DYDC2: variants seen among roughly 807,000 people sequenced by gnomAD.
The protein encoded by DYDC2 is DPY30 domain containing 2.
A neutral mutation model predicts 18.7 loss-of-function variants in DYDC2; 19 were observed. The ratio of observed to expected loss-of-function variants is 1.02; its 90% CI spans 0.71 to 1.49. The LOEUF is 1.49. DYDC2 is among the 40% of genes most tolerant of loss of function. The pLI is 0.00. For missense variants in DYDC2, 179 were observed against 205.1 expected (o/e 0.87, Z 0.78); for synonymous variants, 63 against 67.6 (o/e 0.93, Z 0.34).
chr10:80,352,029 AC>A (rs1475903719), upstream of DYDC2: 1 of 1,605,586 alleles, frequency 6.2e-7, no homozygotes, highest in East Asian at 2.2e-5. Context: ...ACAACAGCAC[AC>A]GACTTCTTAG....
At chr10:80,356,857 G>T in intron 1 of DYDC2, 32 bp downstream of exon 1, 1 of 985,262 alleles carries the variant, frequency 1.0e-6, no homozygotes, top group African/African-American at 1.8e-5. Flanking sequence ...GGCAGCGAAG[G>T]GGGAACGCGC....
chr10:80,345,406 A>C lies in DYDC2; in HGVS notation c.-310+591A>C, dbSNP rs544858820. Among the ~76,000 whole-genome samples the C allele has an allele frequency of 3.9e-5, 6 of 152,292 alleles. No individual in the cohort carries two copies. In the East Asian group the frequency reaches 1.2e-3, roughly 29 times the overall value. On this transcript the variant is annotated intron_variant, in intron 1 of 4. Coordinates refer to the DYDC2 transcript ENST00000372197. Reference sequence around the variant, plus strand: ...AAGCAATTTCAATATCCATCATCTTAGACAGTTACTTTTGTATGGTAAGAG... The same window carrying C: ...AAGCAATTTCAATATCCATCATCTTCGACAGTTACTTTTGTATGGTAAGAG...
chr10:80,362,671 G>A, intron 3 of DYDC2, 81 bp downstream of exon 3: 2 of 1,515,432 alleles, frequency 1.3e-6, no homozygotes, highest in Non-Finnish European at 1.8e-6. Context: ...CAGGATTCTG[G>A]AGCTGGCCTG....
rs377743136 is a variant in DYDC2 at position 80,366,714 on chromosome 10, G to A, written c.297G>A (p.Thr99=). Residue 99 remains threonine, a synonymous_variant, in exon 5 of 5, where the codon ACG becomes ACA. Coordinates refer to ENST00000256039, the MANE Select transcript of DYDC2 (RefSeq NM_032372.6). The part of the protein sequence containing the change: ...HKELTSETVS[T]KKTIFMQEDT... Reference sequence around the variant, plus strand: ...AACTGACTTCTGAAACTGTTTCCACGAAGAAGACCATATTCATGCAGGAGG... The same window carrying A: ...AACTGACTTCTGAAACTGTTTCCACAAAGAAGACCATATTCATGCAGGAGG... 7.2e-5 allele frequency: 115 copies of A among 1,605,080 alleles called. No individual in the cohort carries two copies. The Middle Eastern group carries it at 8.3e-4, about 12-fold the overall frequency.
chr10:80,359,260 G>C (rs909493657), intron 2 of DYDC2, among the ~76,000 whole-genome samples: 1 of 152,218 alleles, frequency 6.6e-6, no homozygotes, highest in Non-Finnish European at 1.5e-5. Flanking sequence ...AGATTAGCTA[G>C]ACACAGAGCA....
intron 1 of DYDC2, 48 bp from the exon 2 acceptor site, chr10:80,357,845 G>A (rs908769518): frequency 3.0e-6 from 3 of 985,392 alleles, no homozygotes; most frequent in African/African-American, 1.7e-5. Flanking sequence ...GAAGCATGAG[G>A]GCAGGTGGCA....
intron 1 of DYDC2, among the ~76,000 whole-genome samples, chr10:80,349,083 G>A (rs564481185): frequency 6.6e-6 from 1 of 152,190 alleles, no homozygotes; most frequent in Non-Finnish European, 1.5e-5. Flanking sequence ...AGTAGAGACG[G>A]GGTTTCACCG....
In DYDC2 at chr10:80,366,903, G is replaced by C; in HGVS notation, c.486G>C (p.Gln162His). ...AAATAAATTACAAGGAGGCTTTTCA[G>C]CATGAAGTTGCTCATGAAATGCCTC... ...PQEINYKEAF[Q>H]HEVAHEMPPG... The change falls in exon 5 of 5, where the codon CAG becomes CAC. Residue 162 changes from glutamine (Q) to histidine (H), a missense_variant. Transcript: ENST00000256039. The C allele has an allele frequency of 6.2e-7, 1 of 1,613,978 alleles. No homozygotes were observed. Among genetic ancestry groups the C allele is most frequent in the African/African-American group, 1.3e-5 (1 of 75,048 alleles).
chr10:80,356,154 C>T, upstream of DYDC2: 1 of 793,302 alleles, frequency 1.3e-6, no homozygotes, highest in Non-Finnish European at 1.5e-6. Context: ...ATCAGTGGGA[C>T]CCAGGCAAGG....
chr10:80,349,389 C>T (rs1842855506), intron 1 of DYDC2, among the ~76,000 whole-genome samples: 1 of 152,082 alleles, frequency 6.6e-6, no homozygotes, highest in East Asian at 1.9e-4. Context: ...TCTTGTTATT[C>T]CTACATAATA....
intron 1 of DYDC2, among the ~76,000 whole-genome samples, chr10:80,350,162 T>C (rs1842901446): frequency 1.3e-5 from 2 of 152,206 alleles, no homozygotes. Flanking sequence ...TCCTGTATAA[T>C]ATTATTTTCT....
chr10:80,348,093 A>G lies in DYDC2; in HGVS notation c.-310+3278A>G, dbSNP rs190594510. On this transcript the variant is annotated intron_variant, in intron 1 of 4. Coordinates refer to the DYDC2 transcript ENST00000372197. ...AACTCTTCTGATATATGAACACAAG[A>G]TATCTTTCCATTTATTTGTGTCTTC... is the stretch of plus-strand genomic sequence containing the variant. 1.4e-4 allele frequency among the ~76,000 whole-genome samples: 21 copies of G among 152,276 alleles called. No individual in the cohort carries two copies. The East Asian group carries it at 2.3e-3, about 17-fold the overall frequency.
chr10:80,356,392 G>A (rs1843369111), upstream of DYDC2: 3 of 985,720 alleles, frequency 3.0e-6, no homozygotes, highest in South Asian at 1.4e-4. Context: ...CCAGCCAACT[G>A]GGCGGGGGCA....
intron 2 of DYDC2, 52 bp from the exon 3 acceptor site, chr10:80,362,382 TA>T: frequency 6.4e-7 from 1 of 1,568,098 alleles, no homozygotes; most frequent in Non-Finnish European, 8.7e-7. Context: ...TGTCTATTTT[TA>T]ATATCAGATT....
At chr10:80,347,707 A>G (rs1264336932) in intron 1 of DYDC2, among the ~76,000 whole-genome samples, 1 of 152,096 alleles carries the variant, frequency 6.6e-6, no homozygotes, top group African/African-American at 2.4e-5. Flanking sequence ...CATTGAAGAG[A>G]CTATCCTTTT....
chr10:80,355,122 C>A (rs143230218), upstream of DYDC2, among the ~76,000 whole-genome samples: 23 of 150,308 alleles, frequency 1.5e-4, no homozygotes, highest in East Asian at 4.0e-3. Flanking sequence ...AAAATTAACA[C>A]GACAAAGAAG....
rs751911033 is a variant in DYDC2 at position 80,366,917 on chromosome 10, A to G, written c.500A>G (p.His167Arg). 1 of 1,613,900 alleles carries G rather than the reference A, an allele frequency of 6.2e-7. No homozygotes were observed. Among genetic ancestry groups the G allele is most frequent in the East Asian group, 2.2e-5 (1 of 44,878 alleles). ...GAGGCTTTTCAGCATGAAGTTGCTC[A>G]TGAAATGCCTCCTGGCTCCAAATCT... Reference protein sequence around the residue: ...YKEAFQHEVAHEMPPGSKSPF With the variant: ...YKEAFQHEVAREMPPGSKSPF The change falls in exon 5 of 5, where the codon CAT (histidine) becomes CGT (arginine). Residue 167 changes from histidine (H) to arginine (R), a missense_variant. Physicochemically the swap from His to Arg is conservative, Grantham distance 29 (BLOSUM62 0). Coordinates refer to ENST00000256039, the MANE Select transcript of DYDC2 (RefSeq NM_032372.6).
At chr10:80,357,188 T>C (rs1290849836) in intron 1 of DYDC2, among the ~76,000 whole-genome samples, 1 of 99,956 alleles carries the variant, frequency 1.0e-5, no homozygotes, top group East Asian at 3.4e-4. Flanking sequence ...GGAGAGGGAA[T>C]GAAAGAAGGG....
upstream of DYDC2, chr10:80,352,760 C>T (rs1450745659): frequency 9.8e-7 from 1 of 1,015,756 alleles, no homozygotes; most frequent in Non-Finnish European, 1.3e-6. Flanking sequence ...AAGCTGGCCC[C>T]AGGAAACTTC....
Sources: gnomAD v4.1 joint callset for allele counts (sites outside exome capture counted in the v4.1 genomes callset) on GRCh38, gnomAD v4.1.1 for gene constraint, MANE v1.5 for transcripts, NCBI Gene and HGNC (gene_info 2026-07-23, HGNC 2026-07-21) for gene names.